Variants in USO1 observed in about 807,000 individuals in gnomAD.
USO1 encodes the protein USO1 vesicle transport factor.
Under a neutral mutation model 124.5 loss-of-function variants are expected in USO1, and 57 were observed. The observed-to-expected ratio is 0.46, with a 90% CI of 0.37 to 0.57. The LOEUF is 0.57. Among genes scored for constraint, USO1 ranks in the 20% least tolerant of loss-of-function variants. The pLI, the probability that USO1 is intolerant of heterozygous loss-of-function variation, is 0.00. For synonymous variants in USO1, 369 were observed against 362.8 expected, an observed-to-expected ratio of 1.02 and a Z score of -0.19; for missense variants, 900 against 1,040.6, an observed-to-expected ratio of 0.86 and a Z score of 1.86.
At chr4:75,750,823 G>A (rs1034708930) in intron 1 of USO1, among the ~76,000 whole-genome samples, 26 of 152,078 alleles carry the variant, frequency 1.7e-4, no homozygotes, top group African/African-American at 5.8e-4. Flanking sequence ...AGAAGTCTTC[G>A]CCTAAACAGA....
intron 4 of USO1, among the ~76,000 whole-genome samples, chr4:75,758,948 G>T (rs555123130): frequency 1.3e-5 from 2 of 152,024 alleles, no homozygotes; most frequent in Non-Finnish European, 2.9e-5. Context: ...TAGATGCAAC[G>T]CAGTTGTTCA....
intron 1 of USO1, among the ~76,000 whole-genome samples, chr4:75,746,208 G>A (rs1299811882): frequency 6.6e-6 from 1 of 152,194 alleles, no homozygotes; most frequent in Non-Finnish European, 1.5e-5. Flanking sequence ...AGGAGAAAGA[G>A]CAATGAAGAA....
At chr4:75,741,192 A>G (rs1720949018) in intron 1 of USO1, among the ~76,000 whole-genome samples, 1 of 152,200 alleles carries the variant, frequency 6.6e-6, no homozygotes. Context: ...CAATTATAAC[A>G]ATGGTAAATA....
chr4:75,804,334 C>T, intron 18 of USO1, 62 bp downstream of exon 18: 1 of 1,528,848 alleles, frequency 6.5e-7, no homozygotes, highest in South Asian at 1.3e-5. Flanking sequence ...AAGAGCTAGA[C>T]AAAGTAAAAG....
intron 10 of USO1, 143 bp from the exon 11 acceptor site, chr4:75,790,007 C>A (rs1722482566): frequency 2.2e-6 from 2 of 915,990 alleles, no homozygotes; most frequent in East Asian, 3.1e-5. Context: ...TGTAACTAAC[C>A]TGCACAATGT....
intron 7 of USO1, among the ~76,000 whole-genome samples, chr4:75,772,613 T>C (rs1015086635): frequency 6.6e-6 from 1 of 152,176 alleles, no homozygotes; most frequent in East Asian, 1.9e-4. Flanking sequence ...TATCTATCTA[T>C]TAGAAATTTG....
intron 1 of USO1, among the ~76,000 whole-genome samples, chr4:75,750,396 C>T (rs1721268869): frequency 6.6e-6 from 1 of 151,852 alleles, no homozygotes. Flanking sequence ...CATGATTGCA[C>T]CACTGCACTT....
intron 1 of USO1, among the ~76,000 whole-genome samples, chr4:75,727,550 G>A (rs1026070853): frequency 3.3e-5 from 5 of 152,184 alleles, no homozygotes; most frequent in Admixed American, 1.3e-4. Flanking sequence ...ACAGGTAAAA[G>A]GGGTCATGGA....
At chr4:75,805,482 G>A (rs1403263556) in intron 19 of USO1, among the ~76,000 whole-genome samples, 179 bp downstream of exon 19, 1 of 151,962 alleles carries the variant, frequency 6.6e-6, no homozygotes, top group African/African-American at 2.4e-5. Context: ...TGAGGTGGGC[G>A]GATCACCTGA....
intron 17 of USO1, among the ~76,000 whole-genome samples, chr4:75,803,578 A>G (rs1320320008): frequency 6.6e-6 from 1 of 151,124 alleles, no homozygotes; most frequent in Non-Finnish European, 1.5e-5. Flanking sequence ...TGAACCTTGG[A>G]GGCAGAGGTT....
At chr4:75,737,504 A>T (rs2149141333) in intron 1 of USO1, among the ~76,000 whole-genome samples, 1 of 150,074 alleles carries the variant, frequency 6.7e-6, no homozygotes, top group East Asian at 2.0e-4. Context: ...GTTAGCTACC[A>T]TTAGCTGTCA....
At chr4:75,726,936 G>A (rs1720480525) in intron 1 of USO1, among the ~76,000 whole-genome samples, 1 of 152,212 alleles carries the variant, frequency 6.6e-6, no homozygotes, top group Admixed American at 6.5e-5. Context: ...GTAAGAGATA[G>A]CTAATACCCT....
chr4:75,788,211 AG>A (rs1310735768), intron 10 of USO1, among the ~76,000 whole-genome samples: 26 of 142,532 alleles, frequency 1.8e-4, no homozygotes, highest in African/African-American at 6.9e-4. Context: ...TCTGTTGCCC[AG>A]GCTGTAGTAC....
At chr4:75,762,230 G>A (rs1721629349) in intron 4 of USO1, among the ~76,000 whole-genome samples, 2 of 138,594 alleles carry the variant, frequency 1.4e-5, no homozygotes, top group Non-Finnish European at 3.0e-5. Flanking sequence ...GGGTGCAGTG[G>A]CACAGTCTCG....
rs762487301 is a variant in USO1 at position 75,782,721 on chromosome 4, T to C, written c.718T>C (p.Leu240=). 1.0e-5 allele frequency: 16 copies of C among 1,575,720 alleles called. No homozygotes were observed. Among genetic ancestry groups the C allele is most frequent in the East Asian group, 2.3e-5 (1 of 43,684 alleles). The change falls in exon 9 of 24, where the codon TTA becomes CTA. Residue 240 remains leucine, a synonymous_variant. Coordinates refer to ENST00000514213, the MANE Select transcript of USO1 (RefSeq NM_003715.4). ...TTGTTTGATTTTGCTCCAAAACTTA[T>C]TAAAAAACAACAACTCCAATCAAAA... ...EDCLILLQNL[L]KNNNSNQNFF...
intron 1 of USO1, among the ~76,000 whole-genome samples, chr4:75,737,361 G>A (rs1720823313): frequency 6.6e-6 from 1 of 152,158 alleles, no homozygotes; most frequent in Non-Finnish European, 1.5e-5. Context: ...ATGCACATTA[G>A]CATGTAAACC....
intron 13 of USO1, among the ~76,000 whole-genome samples, chr4:75,799,414 T>G (rs2149188317): frequency 6.6e-6 from 1 of 152,304 alleles, no homozygotes; most frequent in South Asian, 2.1e-4. Flanking sequence ...TCAGTTCTAA[T>G]TTCTGCACTC....
intron 1 of USO1, among the ~76,000 whole-genome samples, chr4:75,748,299 G>C (rs531882470): frequency 7.1e-6 from 1 of 140,990 alleles, no homozygotes; most frequent in Non-Finnish European, 1.5e-5. Context: ...AGCAATTCTT[G>C]TGCCTCGGCC....
chr4:75,727,110 G>C (rs1720486662), intron 1 of USO1, among the ~76,000 whole-genome samples: 1 of 152,132 alleles, frequency 6.6e-6, no homozygotes, highest in Admixed American at 6.6e-5. Flanking sequence ...TATTGGCCTT[G>C]TCACAGTGAC....
Sources: gnomAD v4.1 joint callset for allele counts (sites outside exome capture counted in the v4.1 genomes callset) on GRCh38, gnomAD v4.1.1 for gene constraint, MANE v1.5 for transcripts, NCBI Gene and HGNC (gene_info 2026-07-23, HGNC 2026-07-21) for gene names.